The following EML1 variants were observed in gnomAD, a reference collection of about 807,000 sequenced individuals.
EML1 encodes EMAP like 1.
In EML1, 27 loss-of-function variants were observed where a neutral mutation model predicts 110.4. The ratio of observed to expected loss-of-function variants is 0.24; its 90% CI spans 0.18 to 0.34. EML1 has a LOEUF of 0.34. EML1 is among the 10% of genes least tolerant of loss of function. EML1 has a pLI of 1.00. For missense variants in EML1, 741 were observed against 1,030.9 expected (o/e 0.72, Z 3.85); for synonymous variants, 344 against 385.8 (o/e 0.89, Z 1.27).
At chr14:99,899,373 T>C (rs2059723719) in intron 8 of EML1, 1 of 151,940 alleles carries the variant, frequency 6.6e-6, no homozygotes, top group Non-Finnish European at 1.5e-5. Context: ...TGGAATGCAG[T>C]GGCACAATCA....
intron 2 of EML1, among the ~76,000 whole-genome samples, chr14:99,852,680 T>C (rs1566898813): frequency 6.6e-6 from 1 of 152,258 alleles, no homozygotes; most frequent in Non-Finnish European, 1.5e-5. Context: ...TAATGTGTAT[T>C]TTCCTTAGAG....
chr14:99,849,557 G>C (rs56016866), intron 1 of EML1, among the ~76,000 whole-genome samples: 2 of 150,228 alleles, frequency 1.3e-5, no homozygotes. Context: ...TTATTTATTT[G>C]TTTATTTTGA....
chr14:99,909,814 G>A (rs1039736457), intron 11 of EML1, among the ~76,000 whole-genome samples: 12 of 152,162 alleles, frequency 7.9e-5, no homozygotes, highest in Non-Finnish European at 1.2e-4. Flanking sequence ...TTGTCTGGAC[G>A]TTGTGGGGCT....
At chr14:99,831,149 C>G (rs2139774769) in intron 1 of EML1, among the ~76,000 whole-genome samples, 1 of 152,312 alleles carries the variant, frequency 6.6e-6, no homozygotes, top group East Asian at 1.9e-4. Flanking sequence ...TATGTGAATG[C>G]TCTTTAAAAA....
At chr14:99,774,510 T>A (rs1222032063) in intron 1 of EML1, among the ~76,000 whole-genome samples, 2 of 152,192 alleles carry the variant, frequency 1.3e-5, no homozygotes, top group Non-Finnish European at 2.9e-5. Flanking sequence ...CCTCTGGGAC[T>A]CCTCAGACCT....
chr14:99,885,000 A>G (rs141030792), intron 4 of EML1, among the ~76,000 whole-genome samples: 1 of 152,310 alleles, frequency 6.6e-6, no homozygotes, highest in African/African-American at 2.4e-5. Context: ...TGTTAACTTT[A>G]TCTGTGACTC....
In EML1 at chr14:99,793,433, G is replaced by A; in HGVS notation, c.-44G>A. On this transcript the variant is annotated 5_prime_UTR_variant, in exon 1 of 22. Transcript: ENST00000262233. The stretch of plus-strand genomic sequence containing the variant: ...AGCTCAGTGTGTGGTGAGCGGCGGC[G>A]GCGCGGCCGGGCCGGGGAGCGGGCG... The A allele has an allele frequency of 1.9e-6, 2 of 1,030,614 alleles. No homozygotes were observed. The highest frequency in any genetic ancestry group is 2.3e-6 in the Non-Finnish European group (2 of 859,222). The allele number at this position is 1,030,614 out of a possible 1,614,324, so 63.8% of individuals were successfully genotyped here.
chr14:99,888,214 T>G (rs1214288806), intron 4 of EML1, among the ~76,000 whole-genome samples: 1 of 152,236 alleles, frequency 6.6e-6, no homozygotes, highest in African/African-American at 2.4e-5. Flanking sequence ...CTACCTAATC[T>G]GTTAATAGAA....
At chr14:99,900,150 T>C (rs1003657431) in intron 8 of EML1, among the ~76,000 whole-genome samples, 18 of 151,594 alleles carry the variant, frequency 1.2e-4, no homozygotes, top group Admixed American at 3.3e-4. Context: ...TGTACATAAT[T>C]GATGCCTGTT....
chr14:99,760,630 A>G (rs889803348), intron 1 of EML1, among the ~76,000 whole-genome samples: 1 of 152,126 alleles, frequency 6.6e-6, no homozygotes. Flanking sequence ...AAGCCTCCTT[A>G]CAGCATGCAA....
chr14:99,851,540 C>T (rs2058803103), intron 2 of EML1, among the ~76,000 whole-genome samples: 2 of 152,262 alleles, frequency 1.3e-5, no homozygotes, highest in South Asian at 4.1e-4. Flanking sequence ...ATCTCCTGAC[C>T]TCGTGATCCG....
chr14:99,859,241 A>G (rs188333386), intron 2 of EML1, among the ~76,000 whole-genome samples: 3 of 152,342 alleles, frequency 2.0e-5, no homozygotes, highest in African/African-American at 7.2e-5. Flanking sequence ...TTACCAAACT[A>G]TGGAGTCATA....
At chr14:99,900,346 C>G (rs1697402375) in intron 8 of EML1, among the ~76,000 whole-genome samples, 1 of 151,986 alleles carries the variant, frequency 6.6e-6, no homozygotes, top group Non-Finnish European at 1.5e-5. Flanking sequence ...CACTACCACG[C>G]CCGGCTAATT....
chr14:99,786,654 G>A (rs748147722), intron 1 of EML1, among the ~76,000 whole-genome samples: 3 of 152,226 alleles, frequency 2.0e-5, no homozygotes, highest in South Asian at 2.1e-4. Context: ...TGCACGGCAC[G>A]TCTGAGAGTC....
chr14:99,894,364 T>C (rs1000296472), intron 5 of EML1: 1 of 236,952 alleles, frequency 4.2e-6, no homozygotes, highest in African/African-American at 2.3e-5. Context: ...GGAAAATCAT[T>C]GTTGGAATCA....
At chr14:99,844,829 C>T (rs1211642755) in intron 1 of EML1, among the ~76,000 whole-genome samples, 3 of 152,090 alleles carry the variant, frequency 2.0e-5, no homozygotes, top group Non-Finnish European at 4.4e-5. Flanking sequence ...CCTTTGAGAC[C>T]CATGCAAGTT....
At chr14:99,771,794 A>G (rs766013872), upstream of EML1, among the ~76,000 whole-genome samples, 8 of 152,232 alleles carry the variant, frequency 5.3e-5, no homozygotes, top group Non-Finnish European at 1.0e-4. Flanking sequence ...CCTGGGTGAC[A>G]GAGTGAAACC....
At chr14:99,872,673 G>A (rs990808049) in intron 3 of EML1, among the ~76,000 whole-genome samples, 1 of 152,200 alleles carries the variant, frequency 6.6e-6, no homozygotes, top group Non-Finnish European at 1.5e-5. Flanking sequence ...AAGAACAGTA[G>A]CATCTAATTG....
rs185078614 is a variant in EML1 at position 99,743,315 on chromosome 14, C to T, written c.28+5455C>T. Among the ~76,000 whole-genome samples, 21 of 152,252 alleles carry T rather than the reference C, an allele frequency of 1.4e-4. No individual in the cohort carries two copies. The East Asian group carries it at 4.1e-3, about 29-fold the overall frequency. On this transcript the variant is annotated intron_variant, in intron 1 of 10. Transcript: ENST00000554479. ...GTGGAGGCCTGCCTCCTCCAGGGAC[C>T]CTTCCCTGAGTTCTGCAGCCCCTGG...
Sources: allele counts gnomAD v4.1 joint callset (sites outside exome capture counted in the v4.1 genomes callset), GRCh38; gene constraint gnomAD v4.1.1; transcripts MANE v1.5; gene names NCBI Gene and HGNC (gene_info 2026-07-23, HGNC 2026-07-21).